LHFPL3: variants seen among roughly 807,000 people sequenced by gnomAD.
LHFPL3 encodes LHFPL tetraspan subfamily member 3 protein.
In LHFPL3, 5 loss-of-function variants were observed where a neutral mutation model predicts 19.3. The observed-to-expected ratio is 0.26, with a 90% confidence interval of 0.14 to 0.54. The LOEUF is 0.54. LHFPL3 is among the 20% of genes least tolerant of loss of function. The pLI is 0.94. For synonymous variants in LHFPL3, 133 were observed against 126.2 expected, an observed-to-expected ratio of 1.05 and a Z score of -0.36; for missense variants, 249 against 307.4, an observed-to-expected ratio of 0.81 and a Z score of 1.42.
At chr7:104,454,687 C>T (rs73712135) in intron 1 of LHFPL3, among the ~76,000 whole-genome samples, 1,722 of 152,240 alleles carry the variant, frequency 0.011, 25 homozygotes, top group African/African-American at 0.039. Context: ...ATCCCATATG[C>T]AGAGTACCTG....
chr7:104,735,212 C>T (rs889626517), intron 1 of LHFPL3, among the ~76,000 whole-genome samples: 10 of 152,346 alleles, frequency 6.6e-5, no homozygotes, highest in Admixed American at 2.0e-4. Context: ...TCTCAAACTC[C>T]GTGCTGGGAG....
chr7:104,585,304 T>C (rs1156971296), intron 1 of LHFPL3, among the ~76,000 whole-genome samples: 1 of 152,076 alleles, frequency 6.6e-6, no homozygotes, highest in African/African-American at 2.4e-5. Flanking sequence ...AACTATTTGA[T>C]CCTTTAAAGA....
intron 1 of LHFPL3, among the ~76,000 whole-genome samples, chr7:104,574,680 AAACCT>A: frequency 6.6e-6 from 1 of 152,234 alleles, no homozygotes; most frequent in Non-Finnish European, 1.5e-5. Context: ...TGATAAATAG[AAACCT>A]AACTACCTAC....
intron 1 of LHFPL3, among the ~76,000 whole-genome samples, chr7:104,443,664 CT>C (rs1340811542): frequency 6.6e-6 from 1 of 152,222 alleles, no homozygotes; most frequent in African/African-American, 2.4e-5. Flanking sequence ...CTCTTGACCC[CT>C]GGTAAGTGGT....
chr7:104,869,737 C>G (rs1312042664), intron 2 of LHFPL3, among the ~76,000 whole-genome samples: 1 of 152,204 alleles, frequency 6.6e-6, no homozygotes, highest in Non-Finnish European at 1.5e-5. Flanking sequence ...CATGCCATTA[C>G]TGGGTACATA....
chr7:104,782,209 C>G (rs1428901252), intron 2 of LHFPL3, among the ~76,000 whole-genome samples: 1 of 152,194 alleles, frequency 6.6e-6, no homozygotes, highest in Non-Finnish European at 1.5e-5. Context: ...CCTTTCCATG[C>G]AGCCTCAGGA....
chr7:104,408,358 C>CG (rs1791460352), intron 1 of LHFPL3, among the ~76,000 whole-genome samples: 6 of 71,406 alleles, frequency 8.4e-5, no homozygotes, highest in African/African-American at 4.5e-4. Context: ...CTTGTGGCAA[C>CG]ATTTTTTTTT....
chr7:104,567,453 G>C (rs1238771409), intron 1 of LHFPL3, among the ~76,000 whole-genome samples: 1 of 152,192 alleles, frequency 6.6e-6, no homozygotes, highest in Non-Finnish European at 1.5e-5. Flanking sequence ...TTCTTTGAAT[G>C]TACTGGCATC....
At chr7:104,818,503 A>G (rs548922771) in intron 2 of LHFPL3, among the ~76,000 whole-genome samples, 2 of 152,182 alleles carry the variant, frequency 1.3e-5, no homozygotes, top group East Asian at 3.9e-4. Flanking sequence ...ATCGTGCCAA[A>G]TATCTATCTT....
At chr7:104,601,466 G>A (rs1790965878) in intron 1 of LHFPL3, among the ~76,000 whole-genome samples, 1 of 152,198 alleles carries the variant, frequency 6.6e-6, no homozygotes, top group Admixed American at 6.5e-5. Context: ...AGATCATGAA[G>A]CATATATTAT....
intron 1 of LHFPL3, among the ~76,000 whole-genome samples, chr7:104,558,171 T>C (rs1176744098): frequency 6.6e-6 from 1 of 151,488 alleles, no homozygotes; most frequent in Non-Finnish European, 1.5e-5. Flanking sequence ...CAGCATGATT[T>C]ATAGTCCTTT....
At position 104,586,596 on chromosome 7, in the gene LHFPL3, A is replaced by G. The variant is rs560653559; in HGVS notation, c.446-150079A>G. 2.4e-4 allele frequency among the ~76,000 whole-genome samples: 37 copies of G among 152,236 alleles called. 1 individual carries two copies. The highest frequency in any genetic ancestry group is 8.7e-4 in the African/African-American group (36 of 41,564). ...CCCCTTTCTTAAAAGTTGGCAAGGT[A>G]TTGGATTTTTTAAAAAATAAATTGA... On this transcript the variant is annotated intron_variant, in intron 1 of 2. Transcript: ENST00000424859.
chr7:104,869,765 C>T (rs1791796410), intron 2 of LHFPL3, among the ~76,000 whole-genome samples: 1 of 152,282 alleles, frequency 6.6e-6, no homozygotes, highest in Admixed American at 6.5e-5. Context: ...GATTATAAAT[C>T]ATGCTGCTAT....
At chr7:104,883,937 G>C (rs1281972203) in intron 2 of LHFPL3, among the ~76,000 whole-genome samples, 1 of 152,220 alleles carries the variant, frequency 6.6e-6, no homozygotes, top group African/African-American at 2.4e-5. Flanking sequence ...CTTTGAGCCC[G>C]CATAACCTGA....
chr7:104,551,951 T>C (rs10254402), intron 1 of LHFPL3, among the ~76,000 whole-genome samples: 24,603 of 152,050 alleles, frequency 0.16, 4,043 homozygotes, highest in African/African-American at 0.43. Flanking sequence ...CTCTAAAACT[T>C]TCAGTGTTGC....
At chr7:104,869,098 T>C (rs1344755950) in intron 2 of LHFPL3, among the ~76,000 whole-genome samples, 3 of 152,156 alleles carry the variant, frequency 2.0e-5, no homozygotes, top group East Asian at 1.9e-4. Context: ...AAGACTTAAA[T>C]GTTAGACCTA....
chr7:104,386,903 T>C (rs1226152950), intron 1 of LHFPL3, among the ~76,000 whole-genome samples: 1 of 152,136 alleles, frequency 6.6e-6, no homozygotes, highest in Non-Finnish European at 1.5e-5. Context: ...GATCTGATTT[T>C]TAAAGCTGCC....
intron 1 of LHFPL3, among the ~76,000 whole-genome samples, chr7:104,510,251 G>A (rs529849137): frequency 7.9e-5 from 12 of 152,154 alleles, no homozygotes; most frequent in African/African-American, 2.6e-4. Flanking sequence ...TATATTGAAA[G>A]GCAAAGAAAC....
At position 104,416,801 on chromosome 7, in the gene LHFPL3, T is replaced by G. The variant is rs115836541; in HGVS notation, c.445+87577T>G. Among the ~76,000 whole-genome samples, 905 of 152,274 alleles carry G rather than the reference T, an allele frequency of 5.9e-3. 10 individuals carry two copies. Among genetic ancestry groups the G allele is most frequent in the African/African-American group, 0.021 (852 of 41,558 alleles). ...TGGGTAATTTACAATGAGCAGAAAT[T>G]TATTTGGCTCACAGTTCTGGAGGCT... On this transcript the variant is annotated intron_variant, in intron 1 of 2. Coordinates refer to ENST00000424859, the MANE Select transcript of LHFPL3 (RefSeq NM_199000.3).
Sources: allele counts gnomAD v4.1 joint callset (sites outside exome capture counted in the v4.1 genomes callset), GRCh38; gene constraint gnomAD v4.1.1; transcripts MANE v1.5; gene names NCBI Gene and HGNC (gene_info 2026-07-23, HGNC 2026-07-21).